NDUFV1: variants seen among roughly 807,000 people sequenced by gnomAD.
NDUFV1 encodes the protein NADH:ubiquinone oxidoreductase core subunit V1.
Under a neutral mutation model 48.7 loss-of-function variants are expected in NDUFV1, and 41 were observed. The observed-to-expected ratio is 0.84, with a 90% confidence interval of 0.66 to 1.09. NDUFV1 has a LOEUF of 1.09. NDUFV1 is among the 50% of genes least tolerant of loss of function. NDUFV1 has a pLI of 0.00. For missense variants in NDUFV1, 580 were observed against 645.4 expected (o/e 0.90, Z 1.10); for synonymous variants, 231 against 259.1 (o/e 0.89, Z 1.04).
chr11:67,610,605 C>T (rs1391487188), intron 5 of NDUFV1, 35 bp downstream of exon 5: 3 of 1,610,160 alleles, frequency 1.9e-6, no homozygotes, highest in South Asian at 2.2e-5. Flanking sequence ...CAGACTGTGT[C>T]CTGTGACACC....
intron 1 of NDUFV1, chr11:67,607,561 G>T (rs1854832423): frequency 2.2e-6 from 1 of 445,508 alleles, no homozygotes; most frequent in Non-Finnish European, 4.5e-6. Context: ...CATCACCTGT[G>T]TGTTAAGGAG....
In NDUFV1 at chr11:67,607,004, G is replaced by A. The variant is rs11540008; in HGVS notation, c.-1G>A. On this transcript the variant is annotated 5_prime_UTR_variant, in exon 1 of 10. Transcript: ENST00000322776. Reference sequence around the variant, plus strand: ...TGAGGTGACCCATCTGGCCCGCCGCGATGCTGGCAACACGGCGGCTGCTCG... The same window carrying A: ...TGAGGTGACCCATCTGGCCCGCCGCAATGCTGGCAACACGGCGGCTGCTCG... The A allele has an allele frequency of 6.2e-7, 1 of 1,610,676 alleles. No homozygotes were observed.
rs371709474 is a variant in NDUFV1, at chr11:67,610,975, C to T, written c.701-20C>T. On this transcript the variant is annotated intron_variant, in intron 5 of 9. Transcript: ENST00000322776. ...CCCCACCCCCTAGCAGCCACCAGTT[C>T]TCTTCCCATTTCCCTGAAGGAGTGT... The T allele has an allele frequency of 1.1e-5, 18 of 1,613,752 alleles. No homozygotes were observed. The highest frequency in any genetic ancestry group is 1.7e-4 in the Middle Eastern group (1 of 6,026).
chr11:67,610,260 T>C, intron 4 of NDUFV1, 121 bp from the exon 5 acceptor site: 1 of 1,185,244 alleles, frequency 8.4e-7, no homozygotes, highest in South Asian at 1.3e-5. Context: ...GCAAAATTTT[T>C]TATACCAGGA....
At chr11:67,609,978 T>C (rs949213115) in intron 4 of NDUFV1, 7 of 359,178 alleles carry the variant, frequency 1.9e-5, no homozygotes, top group Non-Finnish European at 3.5e-5. Context: ...AAATACATTA[T>C]GTTCATTGCT....
intron 3 of NDUFV1, 150 bp from the exon 4 acceptor site, chr11:67,609,302 C>T: frequency 1.3e-6 from 1 of 755,072 alleles, no homozygotes; most frequent in Non-Finnish European, 2.1e-6. Context: ...GGTGAGCAAG[C>T]AGAGCCCCTG....
chr11:67,609,438 G>T lies in NDUFV1; in HGVS notation c.327-14G>T. 1 of 1,612,980 alleles carries T rather than the reference G, an allele frequency of 6.2e-7. No individual in the cohort carries two copies. The highest frequency in any genetic ancestry group is 1.7e-5 in the Admixed American group (1 of 60,014). On this transcript the variant is annotated splice_polypyrimidine_tract_variant and intron_variant, in intron 3 of 9. Coordinates refer to ENST00000322776, the MANE Select transcript of NDUFV1 (RefSeq NM_007103.4). ...GATGGCCCTGTAGCCTGTCTGACCT[G>T]TGGGCCCCTGCAGGCCCAAGTATCT...
At chr11:67,607,700 CGGCTTG>C in intron 1 of NDUFV1, 1 of 351,542 alleles carries the variant, frequency 2.8e-6, no homozygotes, top group South Asian at 2.1e-5. Flanking sequence ...CTGCCACACT[CGGCTTG>C]TGGGGCTGTG....
Position 67,611,300 on chromosome 11 carries a change from G to A in NDUFV1, c.913+93G>A. The A allele has an allele frequency of 6.3e-7, 1 of 1,593,192 alleles. No individual in the cohort carries two copies. Among genetic ancestry groups the A allele is most frequent in the Non-Finnish European group, 8.6e-7 (1 of 1,166,416 alleles). ...TGGGCGGGAGGGCTCAGGAGACGGG[G>A]CTGGGTCTAGGGGCTGACTAAGGGC... On this transcript the variant is annotated intron_variant, in intron 6 of 9. Coordinates refer to ENST00000322776, the MANE Select transcript of NDUFV1 (RefSeq NM_007103.4). This position sits in a 1 kb window ranked among gnomAD's most constrained non-coding sequence, Gnocchi z 4.2.
chr11:67,608,182 C>T (rs1323800631), intron 1 of NDUFV1: 20 of 590,764 alleles, frequency 3.4e-5, no homozygotes, highest in Middle Eastern at 4.6e-4. Flanking sequence ...GCTGAGATTA[C>T]GCCACTGCAC....
rs754023854 is a variant in NDUFV1 at position 67,611,142 on chromosome 11, A to C, written c.848A>C (p.Asn283Thr). 1 of 1,614,172 alleles carries C rather than the reference A, an allele frequency of 6.2e-7. No individual in the cohort carries two copies. The highest frequency in any genetic ancestry group is 8.5e-7 in the Non-Finnish European group (1 of 1,180,030). ...CTATTCAACATCTCTGGCCATGTCA[A>C]CCACCCTTGCACTGTGGAGGAGGAG... is the stretch of plus-strand genomic sequence containing the variant. Reference protein sequence around the residue: ...TKLFNISGHVNHPCTVEEEMS... With the variant: ...TKLFNISGHVTHPCTVEEEMS... Residue 283 changes from asparagine (N) to threonine (T), a missense_variant, in exon 6 of 10, where the codon AAC (asparagine) becomes ACC (threonine). By Grantham distance (65) the Asn-to-Thr change is moderately conservative. Coordinates refer to ENST00000322776, the MANE Select transcript of NDUFV1 (RefSeq NM_007103.4). This position sits in a 1 kb window ranked among gnomAD's most constrained non-coding sequence, Gnocchi z 4.2.
In NDUFV1 at chr11:67,612,296, G is replaced by A. The variant is rs1212173596; in HGVS notation, c.1308+31G>A. 1 of 1,613,932 alleles carries A rather than the reference G, an allele frequency of 6.2e-7. No individual in the cohort carries two copies. The highest frequency in any genetic ancestry group is 8.5e-7 in the Non-Finnish European group (1 of 1,179,904). On this transcript the variant is annotated intron_variant, in intron 9 of 9. Transcript: ENST00000322776. This position sits in a 1 kb window ranked among gnomAD's most constrained non-coding sequence, Gnocchi z 4.4. Reference sequence around the variant, plus strand: ...CACCACCCTTCTGCGTAGCACGGAGGGTGGGTGGCATCAAGGGCCCAGGGT... The same window carrying A: ...CACCACCCTTCTGCGTAGCACGGAGAGTGGGTGGCATCAAGGGCCCAGGGT...
chr11:67,608,741 G>A lies in NDUFV1; in HGVS notation c.326+19G>A. 1.2e-6 allele frequency: 2 copies of A among 1,612,760 alleles called. No individual in the cohort carries two copies. The highest frequency in any genetic ancestry group is 1.7e-6 in the Non-Finnish European group (2 of 1,179,882). Reference sequence around the variant, plus strand: ...ATGGCAGGTGTGTGTGTGGGGGCGGGGCAGATGTGGCTGTGGGAGAGACCT... The same window carrying A: ...ATGGCAGGTGTGTGTGTGGGGGCGGAGCAGATGTGGCTGTGGGAGAGACCT... On this transcript the variant is annotated intron_variant, in intron 3 of 9. Coordinates refer to ENST00000322776, the MANE Select transcript of NDUFV1 (RefSeq NM_007103.4).
Position 67,607,000 on chromosome 11 carries a change from C to T in NDUFV1, c.-5C>T, listed in dbSNP as rs1316505147. On this transcript the variant is annotated 5_prime_UTR_variant, in exon 1 of 10. Coordinates refer to ENST00000322776, the MANE Select transcript of NDUFV1 (RefSeq NM_007103.4). ...AGCGTGAGGTGACCCATCTGGCCCG[C>T]CGCGATGCTGGCAACACGGCGGCTG... is the stretch of plus-strand genomic sequence containing the variant. The T allele has an allele frequency of 8.1e-6, 13 of 1,609,950 alleles. No individual in the cohort carries two copies. The highest frequency in any genetic ancestry group is 1.1e-5 in the Non-Finnish European group (13 of 1,178,818).
Position 67,612,472 on chromosome 11 carries a change from C to T in NDUFV1, c.*14C>T, listed in dbSNP as rs886048590. 1 of 1,608,314 alleles carries T rather than the reference C, an allele frequency of 6.2e-7. No individual in the cohort carries two copies. Among genetic ancestry groups the T allele is most frequent in the Non-Finnish European group, 8.5e-7 (1 of 1,178,198 alleles). On this transcript the variant is annotated 3_prime_UTR_variant, in exon 10 of 10. Coordinates refer to ENST00000322776, the MANE Select transcript of NDUFV1 (RefSeq NM_007103.4). The surrounding 1 kb of genome is among the most constrained non-coding windows in gnomAD (Gnocchi z 4.4). ...GCTGCCTCTTAGCCCACCACCCTGG[C>T]CTGCTGTCCTGCGTCTATCCATGTG... is the stretch of plus-strand genomic sequence containing the variant.
Position 67,611,465 on chromosome 11 carries a change from C to G in NDUFV1, c.976C>G (p.Leu326Val), listed in dbSNP as rs1485551042. 3 of 1,614,038 alleles carry G rather than the reference C, an allele frequency of 1.9e-6. No homozygotes were observed. Among genetic ancestry groups the G allele is most frequent in the Non-Finnish European group, 2.5e-6 (3 of 1,180,012 alleles). ...AVIPGGSSTP[L>V]IPKSVCETVL... ...GATCCCTGGCGGCTCGTCTACCCCA[C>G]TGATCCCCAAGTCTGTGTGTGAGAC... The change falls in exon 7 of 10, where the codon CTG becomes GTG. Residue 326 changes from leucine (L) to valine (V), a missense_variant. By Grantham distance (32) the Leu-to-Val change is conservative. Coordinates refer to ENST00000322776, the MANE Select transcript of NDUFV1 (RefSeq NM_007103.4). This position sits in a 1 kb window ranked among gnomAD's most constrained non-coding sequence, Gnocchi z 4.2.
Position 67,607,104 on chromosome 11 carries a change from G to T in NDUFV1, c.72+28G>T, listed in dbSNP as rs372668145. The T allele has an allele frequency of 6.7e-4, 1,076 of 1,595,622 alleles. 1 individual carries two copies. Among genetic ancestry groups the T allele is most frequent in the Non-Finnish European group, 7.6e-4 (888 of 1,175,412 alleles). On this transcript the variant is annotated intron_variant, in intron 1 of 9. Coordinates refer to ENST00000322776, the MANE Select transcript of NDUFV1 (RefSeq NM_007103.4). ...GAGGCCCAGCCTGGCTGGGGCCACGGGTGTTTGGGGCCGGGTGTCGCGGCC... is the reference window on the plus strand; with the variant it reads ...GAGGCCCAGCCTGGCTGGGGCCACGTGTGTTTGGGGCCGGGTGTCGCGGCC...
chr11:67,609,388 G>A, intron 3 of NDUFV1, 64 bp from the exon 4 acceptor site: 1 of 1,545,028 alleles, frequency 6.5e-7, no homozygotes. Flanking sequence ...GGAGTGGGGT[G>A]GCATGGAGTT....
Position 67,610,467 on chromosome 11 carries a change from C to A in NDUFV1, c.597C>A (p.Arg199=), listed in dbSNP as rs151104852. Residue 199 remains arginine (R), a synonymous_variant, in exon 5 of 10, where the codon CGC becomes CGA. Transcript: ENST00000322776. ...SGYDFDVFVV[R]GAGAYICGEE... ...ATGATTTTGACGTGTTTGTGGTGCG[C>A]GGGGCTGGGGCCTACATCTGTGGAG... The A allele has an allele frequency of 4.3e-6, 7 of 1,614,162 alleles. No individual in the cohort carries two copies. The highest frequency in any genetic ancestry group is 1.7e-5 in the Admixed American group (1 of 60,026).
Sources: allele counts gnomAD v4.1 joint callset, GRCh38; gene constraint gnomAD v4.1.1; non-coding constraint Gnocchi (gnomAD v3.1); transcripts MANE v1.5; gene names NCBI Gene and HGNC (gene_info 2026-07-23, HGNC 2026-07-21).